Variants in USP31 observed in about 807,000 individuals in gnomAD.
The protein encoded by USP31 is ubiquitin carboxyl-terminal hydrolase 31.
In USP31, 44 loss-of-function variants were observed where a neutral mutation model predicts 119.4. That is an observed-to-expected ratio of 0.37 (90% CI 0.29 to 0.47). USP31 has a LOEUF of 0.47. USP31 is among the 20% of genes least tolerant of loss of function. The probability of loss-of-function intolerance (pLI) is 0.99; values close to 1 mark genes in which losing one functional copy is unlikely to be tolerated. For missense variants in USP31, 1,643 were observed against 1,730.2 expected (o/e 0.95, Z 0.89); for synonymous variants, 749 against 705.6 (o/e 1.06, Z -0.97).
At chr16:23,123,562 T>A (rs1026812810) in intron 1 of USP31, among the ~76,000 whole-genome samples, 18 of 151,748 alleles carry the variant, frequency 1.2e-4, no homozygotes, top group Non-Finnish European at 7.4e-5. Context: ...ATAAATAAAA[T>A]AAAAAATAAG....
chr16:23,088,557 TC>T (rs1175958953), intron 7 of USP31, among the ~76,000 whole-genome samples: 1 of 152,166 alleles, frequency 6.6e-6, no homozygotes, highest in Non-Finnish European at 1.5e-5. Flanking sequence ...AAACCTGAAT[TC>T]CCTGAATGTG....
rs115568576 is a variant in USP31, at chr16:23,068,852, C to T, written c.3253G>A (p.Gly1085Arg). The part of the protein sequence containing the change: ...SKADSSSRGS[G>R]RHSSPAPAQP... ...GCAGGGGCAGGGGATGAATGCCGTCCACTGCCCCTGGAAGAAGAATCTGCT... is the reference window on the plus strand; with the variant it reads ...GCAGGGGCAGGGGATGAATGCCGTCTACTGCCCCTGGAAGAAGAATCTGCT... The change falls in exon 16 of 16, where the codon GGA (glycine) becomes AGA (arginine). Residue 1085 changes from glycine (G) to arginine (R), a missense_variant. Gly to Arg is a moderately radical substitution (Grantham distance 125, BLOSUM62 -2). This residue lies in a region of USP31 where 699 missense variants were observed against 650.9 expected (regional missense o/e 1.07). Coordinates refer to ENST00000219689, the MANE Select transcript of USP31 (RefSeq NM_020718.4). 6.4e-7 allele frequency: 1 copy of T among 1,574,056 alleles called. No individual in the cohort carries two copies. The highest frequency in any genetic ancestry group is 1.8e-5 in the Admixed American group (1 of 55,230).
chr16:23,073,575 C>T (rs975318546), intron 14 of USP31, 147 bp downstream of exon 14: 9 of 1,064,568 alleles, frequency 8.5e-6, no homozygotes, highest in Non-Finnish European at 1.0e-5. Context: ...TGACTGCAGT[C>T]ATTTTAGTTT....
chr16:23,104,353 T>C (rs534849981), intron 5 of USP31, among the ~76,000 whole-genome samples: 38 of 152,294 alleles, frequency 2.5e-4, no homozygotes, highest in Non-Finnish European at 4.4e-4. Context: ...AACAGCAAAC[T>C]TGTAATTATT....
intron 14 of USP31, 97 bp from the exon 15 acceptor site, chr16:23,072,294 G>A: frequency 6.6e-7 from 1 of 1,517,670 alleles, no homozygotes; most frequent in East Asian, 2.4e-5. Context: ...GCTGAGCTGG[G>A]GGGCGTTGAT....
chr16:23,139,131 G>A (rs549126846), intron 1 of USP31, among the ~76,000 whole-genome samples: 9 of 152,128 alleles, frequency 5.9e-5, no homozygotes, highest in Non-Finnish European at 1.3e-4. Context: ...GGCTAGGCAC[G>A]GTGGCTCACG....
At chr16:23,081,726 G>T (rs140084009) in intron 12 of USP31, among the ~76,000 whole-genome samples, 36 of 152,244 alleles carry the variant, frequency 2.4e-4, no homozygotes, top group African/African-American at 8.7e-4. Context: ...ATCAACTCCC[G>T]CCACTGCCCA....
At chr16:23,105,728 T>A in intron 4 of USP31, 152 bp from the exon 5 acceptor site, 1 of 785,732 alleles carries the variant, frequency 1.3e-6, no homozygotes, top group Non-Finnish European at 1.8e-6. Flanking sequence ...CACTTGGCTC[T>A]AAGCAGAACT....
chr16:23,090,765 C>A lies in USP31; in HGVS notation c.1274G>T (p.Gly425Val), dbSNP rs762958596. ...LNNNLNHLKF[G>V]LDYHRLSSPT... ...AGAAGACAGTCTATGATAATCCAAG[C>A]CAAATTTCAAGTGGTTTAGGTTGTT... Residue 425 changes from glycine to valine, a missense_variant, in exon 7 of 16, where the codon GGC becomes GTC. By Grantham distance (109) the Gly-to-Val change is moderately radical. This residue lies in a region of USP31 where 219 missense variants were observed against 226.4 expected (regional missense o/e 0.97). Coordinates refer to ENST00000219689, the MANE Select transcript of USP31 (RefSeq NM_020718.4). 26 of 1,607,500 alleles carry A rather than the reference C, an allele frequency of 1.6e-5. No homozygotes were observed. Among genetic ancestry groups the A allele is most frequent in the Non-Finnish European group, 2.0e-5 (24 of 1,175,038 alleles).
intron 1 of USP31, among the ~76,000 whole-genome samples, chr16:23,120,666 CA>C (rs1483030769): frequency 6.6e-6 from 1 of 152,198 alleles, no homozygotes; most frequent in Non-Finnish European, 1.5e-5. Flanking sequence ...ATGGCAGTGG[CA>C]GCTTTCTGAG....
intron 15 of USP31, 93 bp from the exon 16 acceptor site, chr16:23,069,709 C>T (rs1320595166): frequency 2.0e-6 from 3 of 1,468,680 alleles, no homozygotes; most frequent in Non-Finnish European, 2.7e-6. Context: ...AGGTAAGCCT[C>T]ATGGGATGAA....
At position 23,061,822 on chromosome 16, in the gene USP31, T is replaced by G. The variant is rs2141813056; in HGVS notation, c.*6224A>C. On this transcript the variant is annotated 3_prime_UTR_variant, in exon 16 of 16. Transcript: ENST00000219689. ...ACTACAGAAATTCCAGTGTAAAAACTGAAGAGTTCAATCAAGAAACGACTT... is the reference window on the plus strand; with the variant it reads ...ACTACAGAAATTCCAGTGTAAAAACGGAAGAGTTCAATCAAGAAACGACTT... The G allele has an allele frequency of 1.3e-5, 2 of 152,730 alleles. No individual in the cohort carries two copies. Among genetic ancestry groups the G allele is most frequent in the South Asian group, 4.1e-4 (2 of 4,822 alleles). 9.5% of individuals were successfully genotyped at this position (152,730 alleles called of 1,614,324 possible). A position where few individuals can be genotyped will look rare whatever the true frequency, so the allele number is the denominator to read the frequency against.
At chr16:23,132,082 C>G (rs1903046401) in intron 1 of USP31, among the ~76,000 whole-genome samples, 1 of 152,134 alleles carries the variant, frequency 6.6e-6, no homozygotes, top group Non-Finnish European at 1.5e-5. Context: ...CTAGGAACTG[C>G]CACAGTCCAT....
chr16:23,087,636 A>T (rs1901166452), intron 8 of USP31, 88 bp downstream of exon 8: 2 of 1,255,070 alleles, frequency 1.6e-6, no homozygotes, highest in Non-Finnish European at 2.2e-6. Context: ...GGAAATCTAA[A>T]CACAAGAAAC....
chr16:23,137,016 C>T (rs969670263), intron 1 of USP31, among the ~76,000 whole-genome samples: 2 of 152,174 alleles, frequency 1.3e-5, no homozygotes, highest in Admixed American at 1.3e-4. Context: ...AGTTCAAGAC[C>T]AGCCTAGGCA....
intron 1 of USP31, among the ~76,000 whole-genome samples, chr16:23,131,124 A>T (rs1224205947): frequency 6.6e-6 from 1 of 152,154 alleles, no homozygotes; most frequent in Non-Finnish European, 1.5e-5. Flanking sequence ...AGTCTGGGCA[A>T]CATACCCCAT....
At chr16:23,117,000 T>C (rs916453668) in intron 1 of USP31, among the ~76,000 whole-genome samples, 1 of 152,226 alleles carries the variant, frequency 6.6e-6, no homozygotes, top group East Asian at 1.9e-4. Flanking sequence ...TTTTTTTCGA[T>C]TTCTAATTAT....
At chr16:23,117,760 T>TTTTGTTG (rs1555468289) in intron 1 of USP31, among the ~76,000 whole-genome samples, 2 of 145,010 alleles carry the variant, frequency 1.4e-5, no homozygotes, top group East Asian at 2.0e-4. Flanking sequence ...TCTTTTTTTT[T>TTTTGTTG]TTGTTGTTGT....
In USP31 at chr16:23,147,972, A is replaced by G. The variant is rs914322286; in HGVS notation, c.633+666T>C. Among the ~76,000 whole-genome samples, 3 of 152,162 alleles carry G rather than the reference A, an allele frequency of 2.0e-5. No individual in the cohort carries two copies. The East Asian group carries it at 5.8e-4, about 29-fold the overall frequency. ...ATAAAAAGTAGCCTGTCAGCACATC[A>G]ATCACAGCAGCAGGTTTTTCTTTCT... On this transcript the variant is annotated intron_variant, in intron 1 of 15. Coordinates refer to ENST00000219689, the MANE Select transcript of USP31 (RefSeq NM_020718.4).
Sources: allele counts gnomAD v4.1 joint callset (sites outside exome capture counted in the v4.1 genomes callset), GRCh38; gene constraint gnomAD v4.1.1; regional missense constraint gnomAD v4.1.1; transcripts MANE v1.5; gene names NCBI Gene and HGNC (gene_info 2026-07-23, HGNC 2026-07-21).